CDH13: variants seen among roughly 807,000 people sequenced by gnomAD.
CDH13 encodes cadherin-13.
Under a neutral mutation model 63.8 loss-of-function variants are expected in CDH13, and 24 were observed. The ratio of observed to expected loss-of-function variants is 0.38; its 90% confidence interval spans 0.27 to 0.53. The LOEUF is 0.53. CDH13 is among the 20% of genes least tolerant of loss of function. CDH13 has a pLI of 0.85. For synonymous variants in CDH13, 503 were observed against 355.3 expected, an observed-to-expected ratio of 1.42 and a Z score of -4.67; for missense variants, 1,049 against 903.1, an observed-to-expected ratio of 1.16 and a Z score of -2.07.
intron 7 of CDH13, among the ~76,000 whole-genome samples, chr16:83,487,164 C>T (rs373568105): frequency 9.2e-5 from 14 of 152,282 alleles, no homozygotes; most frequent in African/African-American, 2.6e-4. Context: ...AGGCTTTCTC[C>T]GTGAAATCTC....
In CDH13 at chr16:82,804,460, C is replaced by T. The variant is rs145691100; in HGVS notation, c.46-53902C>T. The stretch of plus-strand genomic sequence containing the variant: ...ACATTTAACATGTGCAGTTTTATTG[C>T]ACGTTAAAGATACTTTAATAAAGCT... On this transcript the variant is annotated intron_variant, in intron 1 of 13. Coordinates refer to ENST00000567109, the MANE Select transcript of CDH13 (RefSeq NM_001257.5). Among the ~76,000 whole-genome samples the T allele has an allele frequency of 1.6e-3, 246 of 152,102 alleles. 1 individual carries two copies. The highest frequency in any genetic ancestry group is 6.8e-3 in the Middle Eastern group (2 of 294).
intron 6 of CDH13, chr16:83,397,857 A>G (rs2091910989): frequency 6.6e-6 from 1 of 152,222 alleles, no homozygotes; most frequent in South Asian, 2.1e-4. Flanking sequence ...CTAAAGAAAC[A>G]TTTGTTATAA....
intron 5 of CDH13, among the ~76,000 whole-genome samples, chr16:83,307,527 T>A (rs1226934332): frequency 6.6e-6 from 1 of 152,184 alleles, no homozygotes; most frequent in African/African-American, 2.4e-5. Flanking sequence ...ATTTTACTAA[T>A]AGGAGCACCA....
rs572942196 is a variant in CDH13, at chr16:83,435,895, G to A, written c.782-50582G>A. ...GAATTGTGTGGCTAACACCAGGCCT[G>A]GTACATAGTAGCCACTCAGTATGGG... On this transcript the variant is annotated intron_variant, in intron 6 of 13. Coordinates refer to ENST00000567109, the MANE Select transcript of CDH13 (RefSeq NM_001257.5). Among the ~76,000 whole-genome samples the A allele has an allele frequency of 4.6e-5, 7 of 152,214 alleles. No individual in the cohort carries two copies. The East Asian group carries it at 1.4e-3, about 29-fold the overall frequency.
intron 2 of CDH13, among the ~76,000 whole-genome samples, chr16:82,906,409 A>G (rs11640704): frequency 0.013 from 1,959 of 152,196 alleles, 14 homozygotes; most frequent in South Asian, 0.024. Context: ...TGTGCAGGAA[A>G]CCCCTTGAAG....
intron 4 of CDH13, among the ~76,000 whole-genome samples, chr16:83,209,788 G>A (rs2151776776): frequency 6.6e-6 from 1 of 152,220 alleles, no homozygotes; most frequent in African/African-American, 2.4e-5. Context: ...TAGAGCTCAG[G>A]TGGATGAGGT....
At chr16:82,726,696 T>TA in intron 1 of CDH13, among the ~76,000 whole-genome samples, 1 of 152,354 alleles carries the variant, frequency 6.6e-6, no homozygotes, top group South Asian at 2.1e-4. Context: ...CCTATGTTGG[T>TA]AGAGAAAATT....
At chr16:83,481,287 A>G (rs546955554) in intron 6 of CDH13, among the ~76,000 whole-genome samples, 13 of 152,348 alleles carry the variant, frequency 8.5e-5, no homozygotes, top group Middle Eastern at 6.8e-3. Flanking sequence ...TTTGTAAAAA[A>G]TGAGCCTGAC....
chr16:83,413,984 ACT>A (rs150299847), intron 6 of CDH13, among the ~76,000 whole-genome samples: 4,091 of 151,776 alleles, frequency 0.027, 168 homozygotes, highest in African/African-American at 0.093. Flanking sequence ...ATAGAGCGAG[ACT>A]CCATCTCAAA....
chr16:83,712,524 C>G (rs933049769), intron 10 of CDH13, among the ~76,000 whole-genome samples: 1 of 152,248 alleles, frequency 6.6e-6, no homozygotes, highest in African/African-American at 2.4e-5. Flanking sequence ...AGGGCATGCT[C>G]TGCGCCCTGC....
At chr16:83,063,116 C>T (rs2031714183) in intron 3 of CDH13, among the ~76,000 whole-genome samples, 1 of 152,102 alleles carries the variant, frequency 6.6e-6, no homozygotes, top group East Asian at 1.9e-4. Context: ...CACGTGCCAG[C>T]ACGTCTGGCT....
At chr16:83,232,767 C>G (rs1025206136) in intron 5 of CDH13, among the ~76,000 whole-genome samples, 1 of 134,414 alleles carries the variant, frequency 7.4e-6, no homozygotes, top group South Asian at 2.2e-4. Context: ...GACCCACTCT[C>G]GGGTATTTTT....
At chr16:83,472,046 G>C (rs540097393) in intron 6 of CDH13, among the ~76,000 whole-genome samples, 1 of 152,158 alleles carries the variant, frequency 6.6e-6, no homozygotes, top group Non-Finnish European at 1.5e-5. Context: ...TGCCTCTCCC[G>C]TCTTTTGATA....
At chr16:83,720,801 G>C (rs1261963783) in intron 10 of CDH13, among the ~76,000 whole-genome samples, 3 of 152,208 alleles carry the variant, frequency 2.0e-5, no homozygotes, top group African/African-American at 4.8e-5. Flanking sequence ...CATCCTGGAA[G>C]GTAAGCCCCA....
intron 6 of CDH13, among the ~76,000 whole-genome samples, chr16:83,475,209 A>G (rs529086760): frequency 1.3e-5 from 2 of 152,372 alleles, no homozygotes; most frequent in Non-Finnish European, 2.9e-5. Flanking sequence ...GCAACTGTGC[A>G]GGTCACACGT....
intron 2 of CDH13, among the ~76,000 whole-genome samples, chr16:82,935,296 A>G (rs1179965387): frequency 6.6e-6 from 1 of 152,172 alleles, no homozygotes; most frequent in Non-Finnish European, 1.5e-5. Context: ...TGAGAACAGC[A>G]TGAGGGGAAG....
intron 1 of CDH13, among the ~76,000 whole-genome samples, chr16:82,674,846 A>C (rs2150950888): frequency 6.6e-6 from 1 of 152,308 alleles, no homozygotes; most frequent in African/African-American, 2.4e-5. Context: ...ATGGATGACA[A>C]AGAATAAGTT....
At chr16:83,077,059 G>T (rs149393088) in intron 3 of CDH13, among the ~76,000 whole-genome samples, 2 of 150,578 alleles carry the variant, frequency 1.3e-5, no homozygotes, top group African/African-American at 4.9e-5. Flanking sequence ...TCATAGACTT[G>T]TTTCAAGTTT....
At chr16:82,954,764 AC>A (rs1905814550) in intron 2 of CDH13, 1 of 150,656 alleles carries the variant, frequency 6.6e-6, no homozygotes, top group South Asian at 2.1e-4. Flanking sequence ...AAAAAAAAAA[AC>A]ACTATCCTGA....
Sources: gnomAD v4.1 joint callset for allele counts (sites outside exome capture counted in the v4.1 genomes callset) on GRCh38, gnomAD v4.1.1 for gene constraint, MANE v1.5 for transcripts, NCBI Gene and HGNC (gene_info 2026-07-23, HGNC 2026-07-21) for gene names.